ANAPC4: variants seen among roughly 807,000 people sequenced by gnomAD.
ANAPC4 encodes anaphase promoting complex subunit 4.
ANAPC4 carries 63 observed loss-of-function variants against 119.8 expected under a neutral mutation model. The ratio of observed to expected loss-of-function variants is 0.53; its 90% confidence interval spans 0.43 to 0.65. The LOEUF (loss-of-function observed/expected upper bound fraction) is 0.65. Ranked by LOEUF, ANAPC4 falls within the 30% of genes least tolerant of loss-of-function variation. The pLI, the probability that ANAPC4 is intolerant of heterozygous loss-of-function variation, is 0.00. For missense variants in ANAPC4, 716 were observed against 945.1 expected (o/e 0.76, Z 3.18); for synonymous variants, 283 against 318.6 (o/e 0.89, Z 1.19).
Position 25,390,977 on chromosome 4 carries a change from G to A in ANAPC4, c.667G>A (p.Val223Ile). The change falls in exon 9 of 29, where the codon GTC becomes ATC. Residue 223 changes from valine to isoleucine, a missense_variant. Coordinates refer to ENST00000315368, the MANE Select transcript of ANAPC4 (RefSeq NM_013367.3). ...DLKSLSVVTE[V>I]STNGASEVSY... ...GAAATCATTATCAGTGGTCACAGAA[G>A]TCTCTACCAATGGTGCTTCAGAAGT... 1 of 1,613,816 alleles carries A rather than the reference G, an allele frequency of 6.2e-7. No individual in the cohort carries two copies. The highest frequency in any genetic ancestry group is 8.5e-7 in the Non-Finnish European group (1 of 1,179,832).
intron 10 of ANAPC4, among the ~76,000 whole-genome samples, chr4:25,393,294 T>TA (rs566100540): frequency 6.1e-4 from 93 of 152,346 alleles, no homozygotes; most frequent in African/African-American, 2.2e-3. Flanking sequence ...TATGAAATTC[T>TA]AAGAATCAAT....
intron 9 of ANAPC4, 44 bp downstream of exon 9, chr4:25,391,059 TA>T: frequency 1.4e-6 from 2 of 1,401,840 alleles, no homozygotes; most frequent in Admixed American, 1.7e-5. Flanking sequence ...AATATGTATT[TA>T]ACAGGTTTTA....
chr4:25,394,671 T>C lies in ANAPC4; in HGVS notation c.942T>C (p.Ser314=). ...AAAAATACTTTGTTTTTCATTGTAG[T>C]GCTGAACTTCAGACTCTCTTGATGA... ...FMHLLLWGKA[S]AELQTLLMNQ... Residue 314 remains serine (S), a splice_region_variant and synonymous_variant, in exon 13 of 29, where the codon AGT becomes AGC. Transcript: ENST00000315368. 6.3e-7 allele frequency: 1 copy of C among 1,597,416 alleles called. No individual in the cohort carries two copies. Among genetic ancestry groups the C allele is most frequent in the South Asian group, 1.2e-5 (1 of 86,590 alleles).
In ANAPC4 at chr4:25,411,374, G is replaced by A. The variant is rs182229357; in HGVS notation, c.1525+1583G>A. Reference sequence around the variant, plus strand: ...CTCTTTTATTTGCCCCACATCTTACGTGTTTGAATAAGAAAGGCCTGATCT... The same window carrying A: ...CTCTTTTATTTGCCCCACATCTTACATGTTTGAATAAGAAAGGCCTGATCT... On this transcript the variant is annotated intron_variant, in intron 21 of 28. Coordinates refer to ENST00000315368, the MANE Select transcript of ANAPC4 (RefSeq NM_013367.3). Among the ~76,000 whole-genome samples, 395 of 151,906 alleles carry A rather than the reference G, an allele frequency of 2.6e-3. 11 individuals carry two copies. The highest frequency in any genetic ancestry group is 0.022 in the Admixed American group (329 of 15,260).
chr4:25,394,883 T>G lies in ANAPC4; in HGVS notation c.1039T>G (p.Leu347Val). ...GTCATCATACTCCAGTATACAAAAATTGGTCATAAGTCATTTACAGAGGTA... is the reference window on the plus strand; with the variant it reads ...GTCATCATACTCCAGTATACAAAAAGTGGTCATAAGTCATTTACAGAGGTA... ...IESSYSSIQK[L>V]VISHLQSGSE... Residue 347 changes from leucine (L) to valine (V), a missense_variant, in exon 14 of 29, where the codon TTG (leucine) becomes GTG (valine). Physicochemically the swap from Leu to Val is conservative, Grantham distance 32. This residue lies in a region of ANAPC4 where 504 missense variants were observed against 615.8 expected (regional missense o/e 0.82). Transcript: ENST00000315368. 6.2e-7 allele frequency: 1 copy of G among 1,613,432 alleles called. No homozygotes were observed. Among genetic ancestry groups the G allele is most frequent in the Non-Finnish European group, 8.5e-7 (1 of 1,179,756 alleles).
At chr4:25,416,640 T>G (rs1177687935) in intron 27 of ANAPC4, 42 bp downstream of exon 27, 2 of 1,405,568 alleles carry the variant, frequency 1.4e-6, no homozygotes, top group Non-Finnish European at 1.9e-6. Context: ...AGTTAAATGT[T>G]TTTTTAATGC....
At chr4:25,410,919 CACTT>C (rs1365955262) in intron 21 of ANAPC4, among the ~76,000 whole-genome samples, 3 of 152,138 alleles carry the variant, frequency 2.0e-5, no homozygotes, top group African/African-American at 7.2e-5. Flanking sequence ...AAATCCCAAA[CACTT>C]ACAGACCCAA....
At chr4:25,397,004 A>T (rs1460763684) in intron 16 of ANAPC4, 105 bp downstream of exon 16, 56 of 1,183,394 alleles carry the variant, frequency 4.7e-5, no homozygotes, top group Non-Finnish European at 6.6e-5. Flanking sequence ...CAGTTTTTAA[A>T]TTTTTATCAC....
At chr4:25,391,315 A>C (rs1722332899) in intron 9 of ANAPC4, among the ~76,000 whole-genome samples, 1 of 152,218 alleles carries the variant, frequency 6.6e-6, no homozygotes, top group Non-Finnish European at 1.5e-5. Flanking sequence ...GTCCCTGATA[A>C]TAACAAAGGT....
In ANAPC4 at chr4:25,416,491, T is replaced by A. The variant is rs1298340601; in HGVS notation, c.1968T>A (p.Thr656=). The A allele has an allele frequency of 1.2e-6, 2 of 1,608,452 alleles. No homozygotes were observed. Among genetic ancestry groups the A allele is most frequent in the Admixed American group, 3.3e-5 (2 of 59,882 alleles). The change falls in exon 27 of 29, where the codon ACT becomes ACA. Residue 656 remains threonine (T), a synonymous_variant. Coordinates refer to ENST00000315368, the MANE Select transcript of ANAPC4 (RefSeq NM_013367.3). ...CTGTAACAGTAGTTCTTAAAGACACTGTAGGACGTGAAGGAAGAGATAGAC... is the reference window on the plus strand; with the variant it reads ...CTGTAACAGTAGTTCTTAAAGACACAGTAGGACGTGAAGGAAGAGATAGAC... ...DETVTVVLKD[T]VGREGRDRLL... is the part of the protein sequence containing the mutation.
At chr4:25,416,633 T>G (rs1441272616) in intron 27 of ANAPC4, 35 bp downstream of exon 27, 1 of 1,429,960 alleles carries the variant, frequency 7.0e-7, no homozygotes, top group Non-Finnish European at 9.3e-7. Flanking sequence ...ATATTACAGT[T>G]AAATGTTTTT....
chr4:25,383,290 A>G lies in ANAPC4; in HGVS notation c.265A>G (p.Lys89Glu). The part of the protein sequence containing the change: ...LLAFALADTK[K>E]IVLCDVEKPE... Reference sequence around the variant, plus strand: ...GGCCTTTGCTCTTGCTGATACCAAGAAAATTGTTTTGTGTGATGTAGAAAA... The same window carrying G: ...GGCCTTTGCTCTTGCTGATACCAAGGAAATTGTTTTGTGTGATGTAGAAAA... Residue 89 changes from lysine to glutamate, a missense_variant, in exon 4 of 29, where the codon AAA becomes GAA. Transcript: ENST00000315368. The G allele has an allele frequency of 3.7e-6, 6 of 1,610,748 alleles. No homozygotes were observed. Among genetic ancestry groups the G allele is most frequent in the Non-Finnish European group, 5.1e-6 (6 of 1,178,862 alleles).
chr4:25,391,659 G>A (rs1336047012), intron 9 of ANAPC4, among the ~76,000 whole-genome samples: 4 of 152,168 alleles, frequency 2.6e-5, no homozygotes, highest in Non-Finnish European at 5.9e-5. Context: ...TCATAGCCTT[G>A]CCAAGAAATC....
chr4:25,418,263 A>G lies in ANAPC4; in HGVS notation c.2308A>G (p.Lys770Glu). 6.2e-7 allele frequency: 1 copy of G among 1,614,048 alleles called. No individual in the cohort carries two copies. Among genetic ancestry groups the G allele is most frequent in the South Asian group, 1.1e-5 (1 of 91,084 alleles). The change falls in exon 29 of 29, where the codon AAA (lysine) becomes GAA (glutamate). Residue 770 changes from lysine (K) to glutamate (E), a missense_variant. By Grantham distance (56) the Lys-to-Glu change is moderately conservative (BLOSUM62 1). Around this residue, in one of 3 missense-constraint regions of ANAPC4, gnomAD observed 504 missense variants for 615.8 expected, o/e 0.82. Coordinates refer to ENST00000315368, the MANE Select transcript of ANAPC4 (RefSeq NM_013367.3). The part of the protein sequence containing the change: ...EEEEASNKPV[K>E]IKEEVLSESE... ...GGAGGAGGCCAGTAATAAGCCTGTA[A>G]AAATAAAGGAAGAAGTGTTGTCGGA...
chr4:25,408,342 C>T (rs893826776), intron 20 of ANAPC4, among the ~76,000 whole-genome samples: 6 of 152,092 alleles, frequency 3.9e-5, no homozygotes, highest in African/African-American at 1.2e-4. Flanking sequence ...CTTTTGTCCA[C>T]GCATAATTTT....
chr4:25,415,610 C>A, intron 26 of ANAPC4, 70 bp downstream of exon 26: 2 of 1,391,962 alleles, frequency 1.4e-6, no homozygotes, highest in Non-Finnish European at 2.0e-6. Flanking sequence ...GGAATAGGAT[C>A]AGACTCAGTT....
Position 25,385,783 on chromosome 4 carries a change from A to AT in ANAPC4, c.368+2392dup, listed in dbSNP as rs1357858181. ...TGAGACAGTTGAACACTTAGAGGTC[A>AT]TTGTAGGGATATTAACTGGTCTGGT... On this transcript the variant is annotated intron_variant, in intron 4 of 28. Coordinates refer to ENST00000315368, the MANE Select transcript of ANAPC4 (RefSeq NM_013367.3). Among the ~76,000 whole-genome samples the AT allele has an allele frequency of 2.6e-5, 4 of 152,158 alleles. No homozygotes were observed. In the East Asian group the frequency reaches 5.8e-4, roughly 22 times the overall value.
chr4:25,403,004 A>AT lies in ANAPC4; in HGVS notation c.1254dup (p.Arg419SerfsTer21). 2 of 1,602,816 alleles carry AT rather than the reference A, an allele frequency of 1.2e-6. No homozygotes were observed. The highest frequency in any genetic ancestry group is 1.7e-5 in the Admixed American group (1 of 59,162). ...ATAGTAGTATGAAAAACTTCAAAGC[A>AT]TTTTTTCGGTGGCTTTATGTGGGTA... On this transcript the variant is annotated frameshift_variant, in exon 17 of 29. Transcript: ENST00000315368. LOFTEE classifies it high-confidence loss of function.
chr4:25,384,207 A>G (rs1471056812), intron 4 of ANAPC4, among the ~76,000 whole-genome samples: 3 of 152,194 alleles, frequency 2.0e-5, no homozygotes, highest in Non-Finnish European at 4.4e-5. Context: ...TATCCGTTCA[A>G]GTTTCGTCAT....
Sources: gnomAD v4.1 joint callset for allele counts (sites outside exome capture counted in the v4.1 genomes callset) on GRCh38, gnomAD v4.1.1 for gene constraint, gnomAD v4.1.1 regional missense constraint, MANE v1.5 for transcripts, NCBI Gene and HGNC (gene_info 2026-07-23, HGNC 2026-07-21) for gene names.